Variants in TFEC observed in about 807,000 individuals in gnomAD.
TFEC encodes the protein class E basic helix-loop-helix protein 34.
TFEC carries 31 observed loss-of-function variants against 41.6 expected under a neutral mutation model. The ratio of observed to expected loss-of-function variants is 0.74; its 90% CI spans 0.56 to 1.01. TFEC has a LOEUF of 1.01. TFEC is among the 50% of genes least tolerant of loss of function. The probability of loss-of-function intolerance (pLI) is 0.00; values close to 1 mark genes in which losing one functional copy is unlikely to be tolerated. For synonymous variants in TFEC, 143 were observed against 140.6 expected (o/e 1.02, Z -0.12); for missense variants, 402 against 404.1 (o/e 0.99, Z 0.04).
chr7:115,974,121 G>T, intron 3 of TFEC, 49 bp downstream of exon 3: 1 of 1,415,372 alleles, frequency 7.1e-7, no homozygotes, highest in Non-Finnish European at 9.6e-7. Context: ...TATTATCAGA[G>T]TGTATTCATT....
At chr7:115,944,787 A>C (rs1791437188) in intron 6 of TFEC, among the ~76,000 whole-genome samples, 1 of 151,156 alleles carries the variant, frequency 6.6e-6, no homozygotes, top group Non-Finnish European at 1.5e-5. Context: ...CACCTTTCAA[A>C]TGCATCTGTC....
intron 1 of TFEC, among the ~76,000 whole-genome samples, chr7:116,157,965 C>T (rs1373881072): frequency 1.3e-5 from 2 of 152,058 alleles, no homozygotes; most frequent in East Asian, 3.9e-4. Context: ...ATTCTCTGTC[C>T]CCCGTTTACA....
At chr7:116,034,812 A>C (rs1165810297), upstream of TFEC, among the ~76,000 whole-genome samples, 1 of 151,992 alleles carries the variant, frequency 6.6e-6, no homozygotes, top group African/African-American at 2.4e-5. Flanking sequence ...GAAGAACTTA[A>C]GTCATTCCAA....
intron 3 of TFEC, among the ~76,000 whole-genome samples, chr7:116,048,073 G>A (rs917355249): frequency 3.9e-5 from 6 of 152,152 alleles, no homozygotes; most frequent in East Asian, 1.9e-4. Flanking sequence ...AAATCAGAGC[G>A]CCTCTTCTCC....
intron 1 of TFEC, among the ~76,000 whole-genome samples, chr7:115,990,937 G>A (rs1055036251): frequency 1.3e-5 from 2 of 152,006 alleles, no homozygotes; most frequent in African/African-American, 4.8e-5. Context: ...TGTGAGATTC[G>A]CCAAAGTTGA....
Position 115,956,800 on chromosome 7 carries a change from A to G in TFEC, c.268-7T>C, listed in dbSNP as rs774038278. 2.0e-6 allele frequency: 3 copies of G among 1,536,382 alleles called. No individual in the cohort carries two copies. Among genetic ancestry groups the G allele is most frequent in the South Asian group, 2.5e-5 (2 of 78,542 alleles). On this transcript the variant is annotated splice_polypyrimidine_tract_variant and splice_region_variant and intron_variant, in intron 3 of 7. Transcript: ENST00000265440. The stretch of plus-strand genomic sequence containing the variant: ...CCAAAATACTTCCAGATAACTTGAG[A>G]GGAAAAAGGAAGAAAAGATTAATAA...
chr7:115,950,007 T>A (rs1298296494), intron 6 of TFEC, among the ~76,000 whole-genome samples: 1 of 125,084 alleles, frequency 8.0e-6, no homozygotes, highest in Non-Finnish European at 1.6e-5. Flanking sequence ...ACAGATTCCA[T>A]GTTTTCACTT....
chr7:116,144,183 C>A (rs1340617028), intron 1 of TFEC, among the ~76,000 whole-genome samples: 2 of 151,046 alleles, frequency 1.3e-5, no homozygotes, highest in Admixed American at 1.3e-4. Flanking sequence ...TGCCACTGCA[C>A]TCCAGCCTGG....
intron 3 of TFEC, chr7:115,968,326 C>T: frequency 1.4e-6 from 2 of 1,479,284 alleles, no homozygotes; most frequent in Non-Finnish European, 1.8e-6. Flanking sequence ...AACTTTGGTT[C>T]TTCTTTGGAC....
At chr7:116,021,953 G>A (rs575218145) in intron 1 of TFEC, among the ~76,000 whole-genome samples, 157 of 152,160 alleles carry the variant, frequency 1.0e-3, no homozygotes, top group Non-Finnish European at 1.7e-3. Flanking sequence ...GACAATAAGG[G>A]CTCCCCCCAG....
intron 1 of TFEC, among the ~76,000 whole-genome samples, chr7:116,014,509 T>C (rs1266893658): frequency 6.6e-6 from 1 of 152,144 alleles, no homozygotes; most frequent in Admixed American, 6.6e-5. Context: ...AAAAAATTCA[T>C]TGAAAATTTA....
rs1449872436 is a variant in TFEC at position 115,940,506 on chromosome 7, A to G, written c.*45T>C. On this transcript the variant is annotated 3_prime_UTR_variant, in exon 8 of 8. Coordinates refer to ENST00000265440, the MANE Select transcript of TFEC (RefSeq NM_012252.4). ...ACACAGAGCATAATTGCATAGCACC[A>G]GCATAGAATTGCTTTCCAGTTGATG... 2 of 1,550,896 alleles carry G rather than the reference A, an allele frequency of 1.3e-6. No homozygotes were observed. Among genetic ancestry groups the G allele is most frequent in the Admixed American group, 3.8e-5 (2 of 53,150 alleles).
At chr7:116,002,118 G>A (rs1436165977) in intron 1 of TFEC, among the ~76,000 whole-genome samples, 3 of 152,174 alleles carry the variant, frequency 2.0e-5, no homozygotes, top group African/African-American at 7.2e-5. Flanking sequence ...AAAGTTTGGA[G>A]GCTTTTCAAC....
At chr7:116,075,845 C>T (rs1796947087) in intron 3 of TFEC, among the ~76,000 whole-genome samples, 1 of 152,154 alleles carries the variant, frequency 6.6e-6, no homozygotes, top group Admixed American at 6.5e-5. Context: ...TATGGTCCTA[C>T]CCACCACCTG....
chr7:115,978,555 C>T (rs984179199), intron 2 of TFEC, among the ~76,000 whole-genome samples: 3 of 152,130 alleles, frequency 2.0e-5, no homozygotes, highest in Admixed American at 6.6e-5. Flanking sequence ...GCTCTGTTAC[C>T]TTTCTGTCCA....
intron 1 of TFEC, among the ~76,000 whole-genome samples, chr7:115,991,553 A>C (rs1193034574): frequency 6.6e-6 from 1 of 151,666 alleles, no homozygotes; most frequent in Non-Finnish European, 1.5e-5. Context: ...AATGGAAAAC[A>C]AAAAAAAGGA....
intron 3 of TFEC, among the ~76,000 whole-genome samples, chr7:116,098,832 C>G (rs1414592045): frequency 8.5e-6 from 1 of 117,020 alleles, no homozygotes; most frequent in Non-Finnish European, 1.8e-5. Flanking sequence ...AAAACAAAAG[C>G]AAGAAGGAAA....
At chr7:116,075,770 A>T (rs755013213) in intron 3 of TFEC, among the ~76,000 whole-genome samples, 1 of 152,078 alleles carries the variant, frequency 6.6e-6, no homozygotes, top group Non-Finnish European at 1.5e-5. Context: ...ACCCACCCCC[A>T]TCTGGTGGTC....
rs1485517689 is a variant in TFEC, at chr7:116,100,467, T to C, written c.198+10241A>G. On this transcript the variant is annotated intron_variant, in intron 3 of 8. Transcript: ENST00000484212. The stretch of plus-strand genomic sequence containing the variant: ...CTTAACTGCAACAAACTTTAAAGTA[T>C]GCCAGTCTTCATGCTTTAGGGCATA... Among the ~76,000 whole-genome samples, 3 of 152,170 alleles carry C rather than the reference T, an allele frequency of 2.0e-5. No individual in the cohort carries two copies. In the East Asian group the frequency reaches 5.8e-4, roughly 29 times the overall value.
Sources: allele counts gnomAD v4.1 joint callset (sites outside exome capture counted in the v4.1 genomes callset), GRCh38; gene constraint gnomAD v4.1.1; transcripts MANE v1.5; gene names NCBI Gene and HGNC (gene_info 2026-07-23, HGNC 2026-07-21).